Variants in KCND2 observed in about 807,000 individuals in gnomAD.
KCND2 encodes potassium voltage-gated channel subfamily D member 2.
KCND2 carries 16 observed loss-of-function variants against 54.4 expected under a neutral mutation model. The observed-to-expected ratio is 0.29, with a 90% CI of 0.20 to 0.45. The LOEUF (loss-of-function observed/expected upper bound fraction) is 0.45. KCND2 is among the 20% of genes least tolerant of loss of function. KCND2 has a pLI of 1.00. For synonymous variants in KCND2, 317 were observed against 310.7 expected, an observed-to-expected ratio of 1.02 and a Z score of -0.21; for missense variants, 486 against 824.2, an observed-to-expected ratio of 0.59 and a Z score of 5.02.
intron 1 of KCND2, among the ~76,000 whole-genome samples, chr7:120,481,989 A>G (rs1367689807): frequency 6.6e-6 from 1 of 152,174 alleles, no homozygotes; most frequent in Non-Finnish European, 1.5e-5. Context: ...ACACAGAGCT[A>G]TGAGGTCACC....
intron 2 of KCND2, among the ~76,000 whole-genome samples, chr7:120,740,367 A>G (rs891455322): frequency 1.3e-5 from 2 of 152,160 alleles, no homozygotes; most frequent in Middle Eastern, 6.8e-3. Flanking sequence ...GCATTCCAGG[A>G]CTTGAGACTA....
chr7:120,696,220 A>G (rs966051674), intron 1 of KCND2, among the ~76,000 whole-genome samples: 1 of 152,220 alleles, frequency 6.6e-6, no homozygotes, highest in African/African-American at 2.4e-5. Context: ...CTTGGTCGGT[A>G]ATGAATAGGT....
chr7:120,370,296 G>C, intron 1 of KCND2, among the ~76,000 whole-genome samples: 1 of 152,068 alleles, frequency 6.6e-6, no homozygotes, highest in South Asian at 2.1e-4. Flanking sequence ...CAGGGGAGGC[G>C]TGGCCAGATG....
At chr7:120,515,890 G>A (rs2116339044) in intron 1 of KCND2, among the ~76,000 whole-genome samples, 1 of 152,226 alleles carries the variant, frequency 6.6e-6, no homozygotes, top group East Asian at 1.9e-4. Context: ...AGAAGAAAGA[G>A]AAGGAGAAGG....
chr7:120,469,908 T>G (rs993386025), intron 1 of KCND2, among the ~76,000 whole-genome samples: 1 of 152,116 alleles, frequency 6.6e-6, no homozygotes, highest in African/African-American at 2.4e-5. Flanking sequence ...TATCTCCTAT[T>G]AGTAGCATAA....
chr7:120,407,175 G>A (rs950466308), intron 1 of KCND2, among the ~76,000 whole-genome samples: 2 of 151,988 alleles, frequency 1.3e-5, no homozygotes, highest in Non-Finnish European at 2.9e-5. Flanking sequence ...ATTTGAATGT[G>A]AAATGTTTTT....
intron 1 of KCND2, among the ~76,000 whole-genome samples, chr7:120,388,448 A>C (rs558528018): frequency 6.6e-6 from 1 of 152,154 alleles, no homozygotes; most frequent in South Asian, 2.1e-4. Flanking sequence ...TATATGTGTG[A>C]ATTAGTTTCT....
Position 120,632,774 on chromosome 7 carries a change from G to T in KCND2, c.1116-100129G>T, listed in dbSNP as rs562858976. 7.2e-4 allele frequency among the ~76,000 whole-genome samples: 109 copies of T among 152,252 alleles called. 2 individuals carry two copies. Among genetic ancestry groups the T allele is most frequent in the African/African-American group, 2.5e-3 (102 of 41,542 alleles). ...GGAGGTTAGGTACTTGCCCCAGATC[G>T]CACAGTGAAAAGCTGGAGTTAAAAT... On this transcript the variant is annotated intron_variant, in intron 1 of 5. Coordinates refer to ENST00000331113, the MANE Select transcript of KCND2 (RefSeq NM_012281.3).
chr7:120,508,355 T>A (rs1201149303), intron 1 of KCND2, among the ~76,000 whole-genome samples: 2 of 151,956 alleles, frequency 1.3e-5, no homozygotes, highest in African/African-American at 2.4e-5. Context: ...AACGGGTATA[T>A]AACACTTTCT....
intron 1 of KCND2, among the ~76,000 whole-genome samples, chr7:120,675,035 T>A (rs1792040695): frequency 6.6e-6 from 1 of 152,130 alleles, no homozygotes; most frequent in South Asian, 2.1e-4. Flanking sequence ...AAAAAACTTT[T>A]TCTACCTACC....
chr7:120,282,881 C>T (rs1302069830), intron 1 of KCND2, among the ~76,000 whole-genome samples: 1 of 152,102 alleles, frequency 6.6e-6, no homozygotes, highest in Non-Finnish European at 1.5e-5. Flanking sequence ...TCATTGACCA[C>T]AGCAGTAACC....
chr7:120,675,760 T>C (rs898614421), intron 1 of KCND2, among the ~76,000 whole-genome samples: 1 of 152,244 alleles, frequency 6.6e-6, no homozygotes, highest in Admixed American at 6.5e-5. Context: ...TCCTCGATTA[T>C]CTAATTTATC....
At chr7:120,350,314 A>G (rs1800383609) in intron 1 of KCND2, among the ~76,000 whole-genome samples, 1 of 152,130 alleles carries the variant, frequency 6.6e-6, no homozygotes, top group Non-Finnish European at 1.5e-5. Flanking sequence ...ATAACTCAAG[A>G]AAGTGAAAAG....
At chr7:120,676,877 A>G (rs1384394415) in intron 1 of KCND2, among the ~76,000 whole-genome samples, 1 of 152,216 alleles carries the variant, frequency 6.6e-6, no homozygotes, top group Non-Finnish European at 1.5e-5. Flanking sequence ...GCCACAATCT[A>G]CATAAGAACT....
At chr7:120,658,203 A>G (rs1464614069) in intron 1 of KCND2, among the ~76,000 whole-genome samples, 6 of 152,120 alleles carry the variant, frequency 3.9e-5, no homozygotes, top group African/African-American at 7.2e-5. Flanking sequence ...AAGGCTTATC[A>G]ATAGTGATAG....
intron 1 of KCND2, among the ~76,000 whole-genome samples, chr7:120,284,797 A>G (rs1036271289): frequency 1.3e-5 from 2 of 152,198 alleles, no homozygotes; most frequent in Admixed American, 1.3e-4. Flanking sequence ...ACAGCACAAT[A>G]CACTGGAGGG....
At chr7:120,399,701 CTTAT>C (rs140548387) in intron 1 of KCND2, among the ~76,000 whole-genome samples, 18,561 of 148,320 alleles carry the variant, frequency 0.13, 1,207 homozygotes, top group Admixed American at 0.15. Flanking sequence ...TTATTTTTAC[CTTAT>C]TTATTTATTT....
intron 1 of KCND2, among the ~76,000 whole-genome samples, chr7:120,436,319 C>T (rs764693202): frequency 6.6e-6 from 1 of 152,090 alleles, no homozygotes; most frequent in Non-Finnish European, 1.5e-5. Flanking sequence ...GTAAATAAAA[C>T]AATGACAATA....
chr7:120,635,153 A>G (rs557448521), intron 1 of KCND2, among the ~76,000 whole-genome samples: 1 of 152,140 alleles, frequency 6.6e-6, no homozygotes, highest in Admixed American at 6.5e-5. Flanking sequence ...TTCTTACTTT[A>G]TGAGCTTGTC....
Sources: gnomAD v4.1 joint callset for allele counts (sites outside exome capture counted in the v4.1 genomes callset) on GRCh38, gnomAD v4.1.1 for gene constraint, MANE v1.5 for transcripts, NCBI Gene and HGNC (gene_info 2026-07-23, HGNC 2026-07-21) for gene names.